CCDC171: variants seen among roughly 807,000 people sequenced by gnomAD.
CCDC171 encodes the protein coiled-coil domain containing 171, also known as coiled-coil domain-containing protein 171.
In CCDC171, 177 loss-of-function variants were observed where a neutral mutation model predicts 168.2. The ratio of observed to expected loss-of-function variants is 1.05; its 90% CI spans 0.93 to 1.19. CCDC171 has a LOEUF of 1.19. Ranked by LOEUF, CCDC171 falls within the 50% of genes most tolerant of loss-of-function variation. The pLI is 0.00. For synonymous variants in CCDC171, 687 were observed against 540.8 expected (o/e 1.27, Z -3.75); for missense variants, 1,991 against 1,539.0 (o/e 1.29, Z -4.91).
intron 21 of CCDC171, among the ~76,000 whole-genome samples, chr9:15,795,054 T>C (rs2058482764): frequency 6.6e-6 from 1 of 152,200 alleles, no homozygotes; most frequent in Admixed American, 6.5e-5. Flanking sequence ...ATAGCACAGA[T>C]GGAGTAATTA....
intron 18 of CCDC171, among the ~76,000 whole-genome samples, chr9:15,759,770 G>A (rs1294714671): frequency 6.6e-6 from 1 of 151,940 alleles, no homozygotes; most frequent in East Asian, 1.9e-4. Flanking sequence ...TTTTAAAAAA[G>A]CTTTACTTTT....
intron 5 of CCDC171, among the ~76,000 whole-genome samples, chr9:15,592,541 T>C (rs1027489891): frequency 5.3e-5 from 8 of 152,180 alleles, no homozygotes; most frequent in African/African-American, 1.9e-4. Context: ...TTACTTTTGA[T>C]TTCTTCCACA....
At chr9:16,010,582 T>C (rs1034843534) in intron 3 of CCDC171, among the ~76,000 whole-genome samples, 1 of 152,120 alleles carries the variant, frequency 6.6e-6, no homozygotes, top group Non-Finnish European at 1.5e-5. Flanking sequence ...AATGGCCCAC[T>C]CAGCTCTTTT....
chr9:16,065,917 G>A (rs777538748), downstream of CCDC171, among the ~76,000 whole-genome samples: 1 of 151,958 alleles, frequency 6.6e-6, no homozygotes. Context: ...GAATCCAGGA[G>A]GCCGTCAAAG....
At chr9:15,712,646 A>T (rs1329424669) in intron 11 of CCDC171, among the ~76,000 whole-genome samples, 1 of 152,234 alleles carries the variant, frequency 6.6e-6, no homozygotes, top group East Asian at 1.9e-4. Flanking sequence ...TAGTAAGAAT[A>T]AAGCATTGCC....
chr9:15,672,716 G>C (rs554569727), intron 9 of CCDC171, among the ~76,000 whole-genome samples: 11 of 152,154 alleles, frequency 7.2e-5, no homozygotes, highest in Non-Finnish European at 1.3e-4. Context: ...CTATATATCT[G>C]TTTTGGTACC....
chr9:15,651,361 G>A (rs745413650), intron 7 of CCDC171, among the ~76,000 whole-genome samples: 16 of 151,056 alleles, frequency 1.1e-4, no homozygotes, highest in Admixed American at 4.6e-4. Flanking sequence ...TGCCTGCCTC[G>A]GCCTCCCAAA....
intron 22 of CCDC171, among the ~76,000 whole-genome samples, chr9:15,847,983 G>C (rs1268860811): frequency 1.3e-5 from 2 of 151,986 alleles, no homozygotes; most frequent in African/African-American, 4.8e-5. Flanking sequence ...ATATAAGTTT[G>C]ACTAAATCAG....
At chr9:15,871,479 G>C (rs10962187) in intron 23 of CCDC171, among the ~76,000 whole-genome samples, 12 of 151,306 alleles carry the variant, frequency 7.9e-5, no homozygotes, top group Middle Eastern at 3.4e-3. Context: ...TTCCTTTTAG[G>C]AAAAAAATAA....
At chr9:15,700,473 C>G (rs2051635585) in intron 11 of CCDC171, among the ~76,000 whole-genome samples, 1 of 152,182 alleles carries the variant, frequency 6.6e-6, no homozygotes, top group African/African-American at 2.4e-5. Flanking sequence ...CTTGGCCAGC[C>G]CAGAAAGGGG....
chr9:15,559,583 T>C (rs1563937657), intron 1 of CCDC171, among the ~76,000 whole-genome samples: 1 of 152,178 alleles, frequency 6.6e-6, no homozygotes, highest in Non-Finnish European at 1.5e-5. Flanking sequence ...TCCATTTGCT[T>C]GGCAGATCTT....
intron 6 of CCDC171, among the ~76,000 whole-genome samples, chr9:15,598,020 T>C (rs542656289): frequency 4.1e-4 from 63 of 152,286 alleles, no homozygotes; most frequent in African/African-American, 1.3e-3. Flanking sequence ...ATTGTGTCTA[T>C]TTGATTCTTC....
At chr9:15,909,007 T>C (rs1823195379) in intron 24 of CCDC171, among the ~76,000 whole-genome samples, 1 of 152,332 alleles carries the variant, frequency 6.6e-6, no homozygotes. Context: ...TTGCATTACC[T>C]GTTTAACCAT....
intron 24 of CCDC171, among the ~76,000 whole-genome samples, chr9:15,895,839 G>T (rs1292518159): frequency 1.3e-5 from 2 of 151,876 alleles, no homozygotes; most frequent in East Asian, 3.9e-4. Flanking sequence ...GCATTTTTCA[G>T]GCTGCTTAAA....
At chr9:15,799,587 C>T (rs2058722970) in intron 21 of CCDC171, among the ~76,000 whole-genome samples, 1 of 151,930 alleles carries the variant, frequency 6.6e-6, no homozygotes, top group Non-Finnish European at 1.5e-5. Context: ...TGGGGTATCC[C>T]CTGCAACCGT....
At chr9:15,952,752 A>T (rs1023015892) in intron 25 of CCDC171, among the ~76,000 whole-genome samples, 2 of 151,880 alleles carry the variant, frequency 1.3e-5, no homozygotes, top group Admixed American at 1.3e-4. Flanking sequence ...GAGTGCATCG[A>T]CTCTGTAGAT....
At chr9:15,922,422 G>A in intron 25 of CCDC171, among the ~76,000 whole-genome samples, 1 of 151,718 alleles carries the variant, frequency 6.6e-6, no homozygotes, top group East Asian at 1.9e-4. Flanking sequence ...TTTCGTAGAT[G>A]AGAGGCAATA....
chr9:15,714,077 T>C (rs979112480), intron 11 of CCDC171, among the ~76,000 whole-genome samples: 1 of 152,192 alleles, frequency 6.6e-6, no homozygotes, highest in African/African-American at 2.4e-5. Context: ...TGGAGTCATA[T>C]TGATTAATTC....
intron 7 of CCDC171, among the ~76,000 whole-genome samples, chr9:15,647,947 A>C (rs530638273): frequency 1.9e-4 from 29 of 152,350 alleles, no homozygotes; most frequent in Non-Finnish European, 1.5e-5. Flanking sequence ...ACAACAAAAA[A>C]AGAGAATTTT....
Sources: allele counts gnomAD v4.1 joint callset (sites outside exome capture counted in the v4.1 genomes callset), GRCh38; gene constraint gnomAD v4.1.1; transcripts MANE v1.5; gene names NCBI Gene and HGNC (gene_info 2026-07-23, HGNC 2026-07-21).